Variants in TSHZ2 observed in about 807,000 individuals in gnomAD.
TSHZ2 encodes teashirt homolog 2.
A neutral mutation model predicts 74.4 loss-of-function variants in TSHZ2; 21 were observed. The observed-to-expected ratio is 0.28, with a 90% CI of 0.20 to 0.41. TSHZ2 has a LOEUF of 0.41. Among genes scored for constraint, TSHZ2 ranks in the 10% least tolerant of loss-of-function variants. The pLI is 1.00. For missense variants in TSHZ2, 1,244 were observed against 1,293.5 expected, an observed-to-expected ratio of 0.96 and a Z score of 0.59; for synonymous variants, 540 against 515.3, an observed-to-expected ratio of 1.05 and a Z score of -0.65.
intron 1 of TSHZ2, among the ~76,000 whole-genome samples, chr20:53,207,677 A>T (rs963788204): frequency 3.4e-5 from 5 of 145,526 alleles, no homozygotes; most frequent in South Asian, 2.1e-4. Context: ...TTTTTATTTT[A>T]TTTTTTTATT....
chr20:53,483,110 G>T (rs1986201231), intron 2 of TSHZ2, among the ~76,000 whole-genome samples: 1 of 151,992 alleles, frequency 6.6e-6, no homozygotes, highest in African/African-American at 2.4e-5. Flanking sequence ...TTTTATAAAA[G>T]ACATAGTTAT....
chr20:53,320,677 A>C (rs1979223300), intron 2 of TSHZ2, among the ~76,000 whole-genome samples: 1 of 152,250 alleles, frequency 6.6e-6, no homozygotes, highest in Admixed American at 6.5e-5. Flanking sequence ...AAAACACATC[A>C]GCACAAAGCT....
rs556812942 is a variant in TSHZ2, at chr20:53,141,996, G to C, written c.41-111503G>C. Among the ~76,000 whole-genome samples the C allele has an allele frequency of 2.6e-5, 4 of 152,278 alleles. No individual in the cohort carries two copies. The South Asian group carries it at 8.3e-4, about 32-fold the overall frequency. ...TGGATGTCAGGGACGGTGGTGGGGG[G>C]CTCTGCTTGGAAGTTTTAAGACCAC... On this transcript the variant is annotated intron_variant, in intron 1 of 2. Coordinates refer to ENST00000371497, the MANE Select transcript of TSHZ2 (RefSeq NM_173485.6).
At chr20:53,089,315 A>AT (rs1446518135) in intron 1 of TSHZ2, among the ~76,000 whole-genome samples, 49 of 109,324 alleles carry the variant, frequency 4.5e-4, no homozygotes, top group African/African-American at 1.8e-3. Context: ...CAGGAATGGG[A>AT]TTTTCTTTTT....
intron 2 of TSHZ2, among the ~76,000 whole-genome samples, chr20:53,394,158 C>A (rs984661941): frequency 6.6e-6 from 1 of 152,128 alleles, no homozygotes; most frequent in African/African-American, 2.4e-5. Context: ...AGGAATGTGA[C>A]CTCTGAGGTT....
chr20:53,380,006 G>A (rs1981798236), intron 2 of TSHZ2, among the ~76,000 whole-genome samples: 1 of 152,192 alleles, frequency 6.6e-6, no homozygotes, highest in Non-Finnish European at 1.5e-5. Flanking sequence ...AACTAGTTTT[G>A]TGAAACCGGT....
chr20:53,316,755 G>A (rs1381382187), intron 2 of TSHZ2, among the ~76,000 whole-genome samples: 1 of 152,092 alleles, frequency 6.6e-6, no homozygotes, highest in Non-Finnish European at 1.5e-5. Flanking sequence ...AAGTTAAGTA[G>A]TTGCTACAGG....
chr20:53,017,609 T>C (rs938281351), intron 1 of TSHZ2, among the ~76,000 whole-genome samples: 1 of 152,186 alleles, frequency 6.6e-6, no homozygotes, highest in African/African-American at 2.4e-5. Flanking sequence ...GGGAAAAACA[T>C]GAAAGCAGTA....
intron 1 of TSHZ2, among the ~76,000 whole-genome samples, chr20:52,980,908 A>T (rs1981541169): frequency 6.6e-6 from 1 of 152,034 alleles, no homozygotes; most frequent in Non-Finnish European, 1.5e-5. Flanking sequence ...GATCCTTGGA[A>T]TTTTTTTTAT....
intron 2 of TSHZ2, among the ~76,000 whole-genome samples, chr20:53,307,128 C>G (rs1040812368): frequency 6.6e-6 from 1 of 152,076 alleles, no homozygotes; most frequent in Non-Finnish European, 1.5e-5. Flanking sequence ...GGTAAATGAC[C>G]AATCCAGGGT....
intron 1 of TSHZ2, among the ~76,000 whole-genome samples, chr20:53,160,832 GCTCAC>G (rs1987914834): frequency 6.7e-6 from 1 of 148,996 alleles, no homozygotes; most frequent in South Asian, 2.1e-4. Context: ...TTTTTCTTTT[GCTCAC>G]CATAGGCCCA....
intron 1 of TSHZ2, among the ~76,000 whole-genome samples, chr20:53,118,342 T>C (rs972341717): frequency 1.3e-5 from 2 of 152,162 alleles, no homozygotes; most frequent in African/African-American, 2.4e-5. Context: ...TAGTGTCTTA[T>C]GTGAGGTCCA....
intron 1 of TSHZ2, among the ~76,000 whole-genome samples, chr20:53,199,334 C>T (rs770313998): frequency 7.9e-5 from 12 of 151,870 alleles, no homozygotes; most frequent in Non-Finnish European, 1.8e-4. Flanking sequence ...ATCAGCCAGG[C>T]GTGGTGGCAC....
intron 1 of TSHZ2, among the ~76,000 whole-genome samples, chr20:53,080,579 C>G (rs1985500503): frequency 6.6e-6 from 1 of 152,108 alleles, no homozygotes; most frequent in Non-Finnish European, 1.5e-5. Context: ...GATGATCAGG[C>G]ATTAGTTAGA....
At chr20:53,045,305 G>T (rs563768286) in intron 1 of TSHZ2, among the ~76,000 whole-genome samples, 1 of 152,324 alleles carries the variant, frequency 6.6e-6, no homozygotes, top group African/African-American at 2.4e-5. Context: ...TTTCAAAAGG[G>T]TGGGGAAGTG....
At chr20:53,207,779 C>G (rs1456326966) in intron 1 of TSHZ2, among the ~76,000 whole-genome samples, 1 of 151,734 alleles carries the variant, frequency 6.6e-6, no homozygotes, top group Non-Finnish European at 1.5e-5. Context: ...TGGGCTCAAG[C>G]AATCTTCCTA....
chr20:53,029,916 C>T (rs1466451103), intron 1 of TSHZ2, among the ~76,000 whole-genome samples: 1 of 152,030 alleles, frequency 6.6e-6, no homozygotes, highest in African/African-American at 2.4e-5. Context: ...TTAAAAATGC[C>T]TATGACTGCC....
intron 1 of TSHZ2, among the ~76,000 whole-genome samples, chr20:53,224,088 T>C (rs977401810): frequency 1.3e-5 from 2 of 152,180 alleles, no homozygotes; most frequent in Non-Finnish European, 2.9e-5. Context: ...TTATTTCTTA[T>C]AGCTGCGTAT....
chr20:53,274,136 G>A (rs957244675), intron 2 of TSHZ2, among the ~76,000 whole-genome samples: 1 of 152,186 alleles, frequency 6.6e-6, no homozygotes, highest in Admixed American at 6.5e-5. Context: ...TGGGTGTGGT[G>A]GCGCGTGCCT....
Sources: allele counts gnomAD v4.1 joint callset (sites outside exome capture counted in the v4.1 genomes callset), GRCh38; gene constraint gnomAD v4.1.1; transcripts MANE v1.5; gene names NCBI Gene and HGNC (gene_info 2026-07-23, HGNC 2026-07-21).